TRIM67: variants seen among roughly 807,000 people sequenced by gnomAD.
TRIM67 encodes tripartite motif containing 67.
A neutral mutation model predicts 71.0 loss-of-function variants in TRIM67; 39 were observed. That is an observed-to-expected ratio of 0.55 (90% CI 0.43 to 0.72). TRIM67 has a LOEUF of 0.72. Ranked by LOEUF, TRIM67 falls within the 30% of genes least tolerant of loss-of-function variation. The pLI is 0.00. For synonymous variants in TRIM67, 481 were observed against 473.9 expected (o/e 1.01, Z -0.19); for missense variants, 973 against 1,079.2 (o/e 0.90, Z 1.38).
intron 2 of TRIM67, among the ~76,000 whole-genome samples, chr1:231,198,318 A>T (rs1683424638): frequency 2.6e-5 from 4 of 152,178 alleles, no homozygotes. Flanking sequence ...CTCCTGTGTG[A>T]ATGTGCACAC....
intron 5 of TRIM67, 26 bp downstream of exon 5, chr1:231,201,543 G>A (rs2102750608): frequency 6.2e-7 from 1 of 1,608,386 alleles, no homozygotes; most frequent in Non-Finnish European, 8.5e-7. Context: ...CCCCAGTTCA[G>A]TCAGTGCTTC....
chr1:231,188,794 G>A (rs896286160), intron 1 of TRIM67, among the ~76,000 whole-genome samples: 22 of 152,108 alleles, frequency 1.4e-4, no homozygotes, highest in African/African-American at 5.3e-4. Flanking sequence ...GCAAGCTGTC[G>A]GTTGTTATTC....
Position 231,218,923 on chromosome 1 carries a change from C to G in TRIM67, c.*3483C>G, listed in dbSNP as rs564819041. On this transcript the variant is annotated 3_prime_UTR_variant, in exon 10 of 10. Transcript: ENST00000366653. ...CACCACAGCACTCTCAGGAAAGGAT[C>G]AGAATGCAGGATCTTTGTGTATTTC... The G allele has an allele frequency of 2.7e-5, 27 of 985,512 alleles. 1 individual carries two copies. The African/African-American group carries it at 4.7e-4, about 17-fold the overall frequency. The allele number at this position is 985,512 out of a possible 1,614,324, so 61.0% of individuals were successfully genotyped here. A position where few individuals can be genotyped will look rare whatever the true frequency, so the allele number is the denominator to read the frequency against.
intron 3 of TRIM67, 58 bp downstream of exon 3, chr1:231,199,227 G>A (rs144104519): frequency 1.0e-5 from 16 of 1,554,426 alleles, no homozygotes; most frequent in Admixed American, 3.3e-5. Flanking sequence ...CACCCAGCGT[G>A]GGGTGGAGCA....
intron 1 of TRIM67, among the ~76,000 whole-genome samples, chr1:231,180,632 G>A (rs1682875892): frequency 6.6e-6 from 1 of 152,044 alleles, no homozygotes; most frequent in Non-Finnish European, 1.5e-5. Context: ...GATGAATCAA[G>A]GGAAGGAAGA....
intron 5 of TRIM67, among the ~76,000 whole-genome samples, chr1:231,202,716 G>C (rs1423287277): frequency 6.6e-6 from 1 of 152,178 alleles, no homozygotes; most frequent in Non-Finnish European, 1.5e-5. Flanking sequence ...ACATTGCCAT[G>C]CTCACTCCCA....
intron 1 of TRIM67, among the ~76,000 whole-genome samples, chr1:231,192,688 T>A: frequency 6.6e-6 from 1 of 152,250 alleles, no homozygotes; most frequent in East Asian, 1.9e-4. Context: ...GCCCTCACAC[T>A]GCCCATTTTG....
intron 5 of TRIM67, among the ~76,000 whole-genome samples, chr1:231,202,368 C>T (rs1280884155): frequency 6.6e-6 from 1 of 151,846 alleles, no homozygotes; most frequent in African/African-American, 2.4e-5. Flanking sequence ...TTGCAGGCAG[C>T]AGAGGGATAG....
chr1:231,199,245 G>A (rs1683456492), intron 3 of TRIM67, 76 bp downstream of exon 3: 2 of 1,418,538 alleles, frequency 1.4e-6, no homozygotes, highest in African/African-American at 1.4e-5. Context: ...GCACAGAGTA[G>A]GCACTGGGGA....
In TRIM67 at chr1:231,217,029, C is replaced by T; in HGVS notation, c.*1589C>T. 1.0e-6 allele frequency: 1 copy of T among 985,932 alleles called. No individual in the cohort carries two copies. Among genetic ancestry groups the T allele is most frequent in the Non-Finnish European group, 1.2e-6 (1 of 829,952 alleles). 61.1% of individuals were successfully genotyped at this position (985,932 alleles called of 1,614,324 possible). A position where few individuals can be genotyped will look rare whatever the true frequency, so the allele number is the denominator to read the frequency against. On this transcript the variant is annotated 3_prime_UTR_variant, in exon 10 of 10. Transcript: ENST00000366653. The stretch of plus-strand genomic sequence containing the variant: ...AAATTCGCCCATTCACCAGCACCAA[C>T]TGTGCGTCCTTGGTTCTGCCTTCCT...
At chr1:231,181,154 TGA>T (rs1370840938) in intron 1 of TRIM67, among the ~76,000 whole-genome samples, 1 of 152,198 alleles carries the variant, frequency 6.6e-6, no homozygotes, top group Non-Finnish European at 1.5e-5. Context: ...TTAGTAAAGA[TGA>T]GGTTTTACCA....
chr1:231,190,812 G>C (rs1474869470), intron 1 of TRIM67, among the ~76,000 whole-genome samples: 1 of 152,130 alleles, frequency 6.6e-6, no homozygotes, highest in Non-Finnish European at 1.5e-5. Context: ...CTATTTCATG[G>C]GAGAAGGGTC....
intron 1 of TRIM67, among the ~76,000 whole-genome samples, chr1:231,183,939 A>T (rs1199688492): frequency 6.6e-6 from 1 of 152,134 alleles, no homozygotes; most frequent in Non-Finnish European, 1.5e-5. Flanking sequence ...AAGAAGCAGC[A>T]TATACAGGAA....
chr1:231,214,132 G>A (rs1683947173), intron 9 of TRIM67, among the ~76,000 whole-genome samples, 155 bp downstream of exon 9: 1 of 152,182 alleles, frequency 6.6e-6, no homozygotes, highest in Non-Finnish European at 1.5e-5. Context: ...GACATTTCCT[G>A]GAGGCGTTCC....
chr1:231,212,206 A>G (rs1416102298), intron 8 of TRIM67, among the ~76,000 whole-genome samples: 3 of 152,262 alleles, frequency 2.0e-5, no homozygotes, highest in Non-Finnish European at 4.4e-5. Flanking sequence ...TTGAAAGACA[A>G]ATAGTTACAA....
intron 1 of TRIM67, among the ~76,000 whole-genome samples, chr1:231,174,383 G>T (rs1378892948): frequency 6.6e-6 from 1 of 151,452 alleles, no homozygotes; most frequent in Non-Finnish European, 1.5e-5. Context: ...GCCTAGGCTG[G>T]TCTCAATCTC....
At chr1:231,176,864 G>A (rs1352943207) in intron 1 of TRIM67, among the ~76,000 whole-genome samples, 1 of 122,448 alleles carries the variant, frequency 8.2e-6, no homozygotes, top group African/African-American at 3.4e-5. Flanking sequence ...GAATTTTCTT[G>A]TAAATTTCAG....
intron 1 of TRIM67, among the ~76,000 whole-genome samples, chr1:231,172,830 A>C (rs554416763): frequency 2.0e-5 from 3 of 152,244 alleles, no homozygotes; most frequent in East Asian, 3.8e-4. Context: ...ACTCAGAAAC[A>C]ACAAGCCTCC....
chr1:231,215,077 G>A (rs1432146661), intron 9 of TRIM67, among the ~76,000 whole-genome samples: 1 of 152,260 alleles, frequency 6.6e-6, no homozygotes, highest in Non-Finnish European at 1.5e-5. Flanking sequence ...GGGAGCCAGT[G>A]CGTGAGAGCC....
Sources: gnomAD v4.1 joint callset for allele counts (sites outside exome capture counted in the v4.1 genomes callset) on GRCh38, gnomAD v4.1.1 for gene constraint, MANE v1.5 for transcripts, NCBI Gene and HGNC (gene_info 2026-07-23, HGNC 2026-07-21) for gene names.